TGFBI: variants seen among roughly 807,000 people sequenced by gnomAD.
TGFBI encodes the protein transforming growth factor beta induced.
In TGFBI, 50 loss-of-function variants were observed where a neutral mutation model predicts 73.7. The ratio of observed to expected loss-of-function variants is 0.68; its 90% CI spans 0.54 to 0.86. TGFBI has a LOEUF of 0.86. Ranked by LOEUF, TGFBI falls within the 40% of genes least tolerant of loss-of-function variation. TGFBI has a pLI of 0.00. For synonymous variants in TGFBI, 362 were observed against 360.5 expected (o/e 1.00, Z -0.05); for missense variants, 839 against 877.0 (o/e 0.96, Z 0.55).
intron 2 of TGFBI, 71 bp from the exon 3 acceptor site, chr5:136,043,987 G>A (rs958744360): frequency 1.5e-6 from 2 of 1,344,754 alleles, no homozygotes; most frequent in Non-Finnish European, 2.1e-6. Flanking sequence ...CAACTTAGTG[G>A]AGAGGGGCCA....
intron 2 of TGFBI, among the ~76,000 whole-genome samples, chr5:136,040,455 G>A (rs1751309363): frequency 6.6e-6 from 1 of 152,180 alleles, no homozygotes; most frequent in Non-Finnish European, 1.5e-5. Flanking sequence ...ATTGTGAACT[G>A]TGCGTGTAAG....
Position 136,049,485 on chromosome 5 carries a change from G to A in TGFBI, c.818G>A (p.Gly273Asp), listed in dbSNP as rs1341135047. 6.2e-7 allele frequency: 1 copy of A among 1,614,002 alleles called. No individual in the cohort carries two copies. The highest frequency in any genetic ancestry group is 1.1e-5 in the South Asian group (1 of 91,074). Residue 273 changes from glycine to aspartate, a missense_variant, in exon 7 of 17, where the codon GGC becomes GAC. Gly to Asp is a moderately conservative substitution (Grantham distance 94). Transcript: ENST00000442011. Reference protein sequence around the residue: ...SGLNTMLEGNGQYTLLAPTNE... With the variant: ...SGLNTMLEGNDQYTLLAPTNE... ...CTCAACACGATGCTTGAAGGTAACG[G>A]CCAGTACACGCTTTTGGCCCCGACC... is the stretch of plus-strand genomic sequence containing the variant.
At position 136,046,470 on chromosome 5, in the gene TGFBI, A is replaced by G. The variant is rs1334404146; in HGVS notation, c.434A>G (p.Asn145Ser). 1.4e-5 allele frequency: 23 copies of G among 1,611,110 alleles called. No individual in the cohort carries two copies. The highest frequency in any genetic ancestry group is 2.2e-5 in the East Asian group (1 of 44,786). ...AGCTTCACCATCTTCGCCCCTAGCA[A>G]CGAGGCCTGGGCCTCCTTGCCAGCT... is the stretch of plus-strand genomic sequence containing the variant. Reference protein sequence around the residue: ...PGSFTIFAPSNEAWASLPAEV... With the variant: ...PGSFTIFAPSSEAWASLPAEV... The change falls in exon 4 of 17, where the codon AAC becomes AGC. Residue 145 changes from asparagine to serine, a missense_variant. Coordinates refer to ENST00000442011, the MANE Select transcript of TGFBI (RefSeq NM_000358.3).
At chr5:136,059,310 T>C in intron 13 of TGFBI, 96 bp downstream of exon 13, 1 of 1,493,130 alleles carries the variant, frequency 6.7e-7, no homozygotes, top group Non-Finnish European at 9.0e-7. Flanking sequence ...ACACACAACC[T>C]TCAAGTTGCA....
intron 12 of TGFBI, among the ~76,000 whole-genome samples, chr5:136,058,548 C>G (rs1751691443): frequency 6.6e-6 from 1 of 152,182 alleles, no homozygotes; most frequent in Admixed American, 6.5e-5. Context: ...ACCTCATCGG[C>G]TCCATGGCTC....
At chr5:136,030,843 A>G (rs1028371652) in intron 1 of TGFBI, among the ~76,000 whole-genome samples, 3 of 152,072 alleles carry the variant, frequency 2.0e-5, no homozygotes, top group Non-Finnish European at 4.4e-5. Context: ...CAACAGTGTC[A>G]CCTGTAAGGG....
Position 136,046,862 on chromosome 5 carries a change from C to G in TGFBI, c.471C>G (p.Asp157Glu), listed in dbSNP as rs558785543. Residue 157 changes from aspartate to glutamate, a missense_variant, in exon 5 of 17, where the codon GAC becomes GAG. Physicochemically the swap from Asp to Glu is conservative, Grantham distance 45. Transcript: ENST00000442011. ...GTCCTTCCTCCTAGGAAGTGCTGGA[C>G]TCCCTGGTCAGCAATGTCAACATTG... ...AWASLPAEVL[D>E]SLVSNVNIEL... 2.6e-5 allele frequency: 42 copies of G among 1,613,340 alleles called. No individual in the cohort carries two copies. In the East Asian group the frequency reaches 8.9e-4, roughly 34 times the overall value.
At position 136,055,809 on chromosome 5, in the gene TGFBI, C is replaced by A. The variant is rs200065806; in HGVS notation, c.1540C>A (p.Arg514Ser). ...CATGGATGTCCTGAAGGGAGACAATCGCTTTAGGTAATTAGTTCCATCCCC... is the reference window on the plus strand; with the variant it reads ...CATGGATGTCCTGAAGGGAGACAATAGCTTTAGGTAATTAGTTCCATCCCC... Reference protein sequence around the residue: ...TVMDVLKGDNRFSMLVAAIQS... With the variant: ...TVMDVLKGDNSFSMLVAAIQS... Residue 514 changes from arginine (R) to serine (S), a missense_variant, in exon 11 of 17, where the codon CGC becomes AGC. Arg to Ser is a moderately radical substitution (Grantham distance 110). Transcript: ENST00000442011. 1.2e-6 allele frequency: 2 copies of A among 1,606,236 alleles called. No homozygotes were observed. Among genetic ancestry groups the A allele is most frequent in the African/African-American group, 2.7e-5 (2 of 74,958 alleles).
At chr5:136,052,833 G>A in intron 7 of TGFBI, 74 bp from the exon 8 acceptor site, 4 of 1,420,202 alleles carry the variant, frequency 2.8e-6, no homozygotes, top group Non-Finnish European at 3.9e-6. Context: ...CTCACAGCAT[G>A]GGCAGGCTGC....
intron 1 of TGFBI, 124 bp downstream of exon 1, chr5:136,029,313 C>A (rs2126900180): frequency 8.6e-7 from 1 of 1,164,122 alleles, no homozygotes; most frequent in South Asian, 1.9e-5. Flanking sequence ...AAAAACCTTG[C>A]AGCATGGAGC....
At chr5:136,046,287 G>T (rs756965970) in intron 3 of TGFBI, 48 bp from the exon 4 acceptor site, 8 of 1,609,520 alleles carry the variant, frequency 5.0e-6, no homozygotes, top group Non-Finnish European at 6.8e-6. Flanking sequence ...GGTGTGGTTG[G>T]GCTGGACCCC....
At chr5:136,061,654 C>T in intron 15 of TGFBI, 75 bp downstream of exon 15, 1 of 1,250,730 alleles carries the variant, frequency 8.0e-7, no homozygotes, top group Non-Finnish European at 1.2e-6. Context: ...GGAGCCTCTC[C>T]AGCCCCTGTC....
At chr5:136,033,984 C>A in intron 2 of TGFBI, 123 bp downstream of exon 2, 2 of 816,528 alleles carry the variant, frequency 2.4e-6, no homozygotes, top group Non-Finnish European at 4.1e-6. Flanking sequence ...CATGTGCGAA[C>A]ATGTCTGGGA....
intron 9 of TGFBI, 114 bp from the exon 10 acceptor site, chr5:136,054,602 A>G: frequency 7.1e-7 from 1 of 1,412,634 alleles, no homozygotes; most frequent in Non-Finnish European, 1.0e-6. Context: ...TGGTTTCTCA[A>G]TCCCTGTTTC....
intron 11 of TGFBI, 80 bp downstream of exon 11, chr5:136,055,896 A>G: frequency 6.9e-7 from 1 of 1,441,550 alleles, no homozygotes; most frequent in Non-Finnish European, 9.3e-7. Context: ...CTATTTGTCA[A>G]GCTTTCTTCT....
intron 1 of TGFBI, among the ~76,000 whole-genome samples, chr5:136,033,279 A>G (rs1751155393): frequency 1.3e-5 from 2 of 152,316 alleles, no homozygotes; most frequent in South Asian, 4.1e-4. Flanking sequence ...GATCTAAGTA[A>G]TGAACAACTG....
At chr5:136,043,652 A>C (rs4976463) in intron 2 of TGFBI, among the ~76,000 whole-genome samples, 148,656 of 152,360 alleles carry the variant, frequency 0.98, 72,533 homozygotes, top group East Asian at 1. Context: ...TGGTCAGTGA[A>C]AGACTCAGAG....
rs1465926968 is a variant in TGFBI at position 136,047,515 on chromosome 5, G to A, written c.771+95G>A. 7.0e-5 allele frequency: 103 copies of A among 1,465,730 alleles called. 1 individual carries two copies. The highest frequency in any genetic ancestry group is 2.2e-5 in the Non-Finnish European group (23 of 1,069,590). The allele number at this position is 1,465,730 out of a possible 1,614,324, so 90.8% of individuals were successfully genotyped here. On this transcript the variant is annotated intron_variant, in intron 6 of 16. Coordinates refer to ENST00000442011, the MANE Select transcript of TGFBI (RefSeq NM_000358.3). ...CTCTTCTGCAGGAGAGGTAGAGGAT[G>A]GCTCCTGTAGGGGAACATAGAGCAG...
chr5:136,061,669 T>C, intron 15 of TGFBI, 90 bp downstream of exon 15: 1 of 1,076,192 alleles, frequency 9.3e-7, no homozygotes, highest in Non-Finnish European at 1.4e-6. Context: ...CCTGTCTTCC[T>C]TGGCTGCTCC....
Sources: allele counts gnomAD v4.1 joint callset (sites outside exome capture counted in the v4.1 genomes callset), GRCh38; gene constraint gnomAD v4.1.1; transcripts MANE v1.5; gene names NCBI Gene and HGNC (gene_info 2026-07-23, HGNC 2026-07-21).